The following KCNJ18 variants were observed in gnomAD, a reference collection of about 807,000 sequenced individuals.
KCNJ18 encodes inward rectifier potassium channel 18.
A neutral mutation model predicts 17.3 loss-of-function variants in KCNJ18; 16 were observed. The ratio of observed to expected loss-of-function variants is 0.92; its 90% CI spans 0.62 to 1.40. KCNJ18 has a LOEUF of 1.40. KCNJ18 is among the 40% of genes most tolerant of loss of function. The pLI, the probability that KCNJ18 is intolerant of heterozygous loss-of-function variation, is 0.00. For missense variants in KCNJ18, 462 were observed against 626.8 expected, an observed-to-expected ratio of 0.74 and a Z score of 2.81; for synonymous variants, 185 against 262.6, an observed-to-expected ratio of 0.70 and a Z score of 2.86.
At chr17:21,694,881 A>G (rs1286082280) in intron 1 of KCNJ18, among the ~76,000 whole-genome samples, 6 of 148,606 alleles carry the variant, frequency 4.0e-5, no homozygotes, top group Non-Finnish European at 7.4e-5. Flanking sequence ...TCAACCATAT[A>G]CCCACCCATC....
chr17:21,702,983 G>A lies in KCNJ18; in HGVS notation c.197G>A (p.Arg66His), dbSNP rs1334002543. 1.7e-5 allele frequency: 28 copies of A among 1,604,996 alleles called. No individual in the cohort carries two copies. Among genetic ancestry groups the A allele is most frequent in the Middle Eastern group, 1.6e-4 (1 of 6,076 alleles). The change falls in exon 3 of 3, where the codon CGC (arginine) becomes CAC (histidine). Residue 66 changes from arginine to histidine, a missense_variant. Physicochemically the swap from Arg to His is conservative, Grantham distance 29. Around this residue, in one of 5 missense-constraint regions of KCNJ18, gnomAD observed 237 missense variants for 259.4 expected, o/e 0.91. Transcript: ENST00000567955. ...GCCAACATGGACGAGAAGTCACAGC[G>A]CTACCTGGCTGACATGTTCACCACC... Reference protein sequence around the residue: ...AFANMDEKSQRYLADMFTTCV... With the variant: ...AFANMDEKSQHYLADMFTTCV...
chr17:21,693,300 A>G (rs1213156363), intron 1 of KCNJ18, among the ~76,000 whole-genome samples: 4 of 152,258 alleles, frequency 2.6e-5, no homozygotes, highest in Admixed American at 1.3e-4. Context: ...CCCTGTGTAG[A>G]GTAGAGCTAA....
Position 21,702,804 on chromosome 17 carries a change from G to T in KCNJ18, c.18G>T (p.Arg6=). 3 of 1,593,102 alleles carry T rather than the reference G, an allele frequency of 1.9e-6. No homozygotes were observed. Among genetic ancestry groups the T allele is most frequent in the Non-Finnish European group, 1.7e-6 (2 of 1,176,742 alleles). MTAAS[R]ANPYSIVSLE... ...CCCCCGGGATGACCGCGGCCAGCCG[G>T]GCCAACCCCTACAGCATCGTGTCAT... Residue 6 remains arginine, a synonymous_variant, in exon 3 of 3, where the codon CGG becomes CGT. Transcript: ENST00000567955.
intron 1 of KCNJ18, among the ~76,000 whole-genome samples, chr17:21,694,866 C>G (rs1905708331): frequency 6.6e-6 from 1 of 151,958 alleles, no homozygotes; most frequent in African/African-American, 2.4e-5. Context: ...TGTTCATCCA[C>G]CCACTCAACC....
rs1458993872 is a variant in KCNJ18 at position 21,704,347 on chromosome 17, G to T, written c.*259G>T. The T allele has an allele frequency of 4.2e-6, 2 of 472,216 alleles. No individual in the cohort carries two copies. The highest frequency in any genetic ancestry group is 7.5e-6 in the Non-Finnish European group (2 of 267,438). 29.3% of individuals were successfully genotyped at this position (472,216 alleles called of 1,614,324 possible). On this transcript the variant is annotated 3_prime_UTR_variant, in exon 3 of 3. Transcript: ENST00000567955. ...CCTCCTGGGGGGCCAGGCCACGGGG[G>T]CCAGGGCTTCTGCCTGAAGATGGAG...
chr17:21,703,823 A>G lies in KCNJ18; in HGVS notation c.1037A>G (p.His346Arg), dbSNP rs1350715383. 35 of 1,610,288 alleles carry G rather than the reference A, an allele frequency of 2.2e-5. No homozygotes were observed. In the East Asian group the frequency reaches 5.1e-4, roughly 24 times the overall value. Residue 346 changes from histidine (H) to arginine (R), a missense_variant, in exon 3 of 3, where the codon CAC (histidine) becomes CGC (arginine). Physicochemically the swap from His to Arg is conservative, Grantham distance 29. This residue lies in a region of KCNJ18 where 20 missense variants were observed against 61.7 expected (regional missense o/e 0.32). Coordinates refer to ENST00000567955, the MANE Select transcript of KCNJ18 (RefSeq NM_001194958.2). ...TACAAGATTGACTACTCGCACTTCC[A>G]CAAGACCTATGAGGTGCCCTCTACG... is the stretch of plus-strand genomic sequence containing the variant. ...NQYKIDYSHF[H>R]KTYEVPSTPR...
chr17:21,693,035 C>T (rs1394764379), intron 1 of KCNJ18, among the ~76,000 whole-genome samples: 1 of 152,312 alleles, frequency 6.6e-6, no homozygotes, highest in African/African-American at 2.4e-5. Flanking sequence ...TGTGGGCCAG[C>T]CCGGCCTGTT....
chr17:21,698,532 G>T (rs1428547290), intron 2 of KCNJ18, among the ~76,000 whole-genome samples: 2 of 152,016 alleles, frequency 1.3e-5, no homozygotes, highest in Admixed American at 1.3e-4. Flanking sequence ...GCAGGCGCCT[G>T]CACTCTCCCT....
rs1906003859 is a variant in KCNJ18, at chr17:21,702,741, G to A, written c.-46G>A. On this transcript the variant is annotated 5_prime_UTR_variant, in exon 3 of 3. Coordinates refer to ENST00000567955, the MANE Select transcript of KCNJ18 (RefSeq NM_001194958.2). ...TCCTCTCTGTTCCAGGAGCCGCCCT[G>A]CCTGGAGCTAGCCTGGGGGTGAGCC... is the stretch of plus-strand genomic sequence containing the variant. 9 of 1,540,138 alleles carry A rather than the reference G, an allele frequency of 5.8e-6. No homozygotes were observed. In the South Asian group the frequency reaches 1.1e-4, roughly 18 times the overall value.
In KCNJ18 at chr17:21,704,219, T is replaced by C. The variant is rs1245141038; in HGVS notation, c.*131T>C. On this transcript the variant is annotated 3_prime_UTR_variant, in exon 3 of 3. Coordinates refer to ENST00000567955, the MANE Select transcript of KCNJ18 (RefSeq NM_001194958.2). ...AGACTCAGTAGCGTTTTAGTCGTTT[T>C]ATGTTTCTTTGCAAAGGCCTCAGAA... 1.0e-5 allele frequency: 12 copies of C among 1,145,834 alleles called. No individual in the cohort carries two copies. The highest frequency in any genetic ancestry group is 5.4e-5 in the South Asian group (3 of 55,746). 71.0% of individuals were successfully genotyped at this position (1,145,834 alleles called of 1,614,324 possible).
chr17:21,699,228 C>A (rs1905859026), intron 2 of KCNJ18, among the ~76,000 whole-genome samples: 1 of 152,184 alleles, frequency 6.6e-6, no homozygotes, highest in Admixed American at 6.5e-5. Context: ...CCCCATTGAG[C>A]AAGAGCCAAA....
chr17:21,695,403 C>G, intron 1 of KCNJ18, among the ~76,000 whole-genome samples: 1 of 151,958 alleles, frequency 6.6e-6, no homozygotes, highest in Admixed American at 6.6e-5. Context: ...TCCACCTACC[C>G]ATTCATCCCT....
chr17:21,702,965 T>G lies in KCNJ18; in HGVS notation c.179T>G (p.Met60Arg). 6.3e-7 allele frequency: 1 copy of G among 1,594,860 alleles called. No homozygotes were observed. Among genetic ancestry groups the G allele is most frequent in the African/African-American group, 1.3e-5 (1 of 74,686 alleles). Residue 60 changes from methionine to arginine, a missense_variant, in exon 3 of 3, where the codon ATG becomes AGG. Transcript: ENST00000567955. ...NGQCNIAFAN[M>R]DEKSQRYLAD... ...CAGTGCAACATTGCGTTCGCCAACA[T>G]GGACGAGAAGTCACAGCGCTACCTG...
chr17:21,693,233 G>T (rs1221903758), intron 1 of KCNJ18, among the ~76,000 whole-genome samples: 1 of 152,300 alleles, frequency 6.6e-6, no homozygotes, highest in Non-Finnish European at 1.5e-5. Flanking sequence ...TGTTTGCAGG[G>T]TGCTGCCCTG....
intron 2 of KCNJ18, among the ~76,000 whole-genome samples, chr17:21,699,042 A>G (rs1332424136): frequency 6.6e-6 from 1 of 152,146 alleles, no homozygotes; most frequent in African/African-American, 2.4e-5. Flanking sequence ...TAACTTTAGT[A>G]GTGAGCACCT....
rs1368101655 is a variant in KCNJ18, at chr17:21,703,680, C to T, written c.894C>T (p.Ile298=). 7 of 1,588,622 alleles carry T rather than the reference C, an allele frequency of 4.4e-6. No homozygotes were observed. The highest frequency in any genetic ancestry group is 2.7e-5 in the African/African-American group (2 of 74,052). The change falls in exon 3 of 3, where the codon ATC becomes ATT. Residue 298 remains isoleucine, a synonymous_variant. Coordinates refer to ENST00000567955, the MANE Select transcript of KCNJ18 (RefSeq NM_001194958.2). ...LETDDFEIVV[I]LEGMVEATAM... The stretch of plus-strand genomic sequence containing the variant: ...CGGACGACTTTGAGATCGTGGTCAT[C>T]CTGGAAGGCATGGTGGAGGCCACAG...
chr17:21,701,441 G>C (rs1380223924), intron 2 of KCNJ18, among the ~76,000 whole-genome samples: 1 of 149,364 alleles, frequency 6.7e-6, no homozygotes, highest in Non-Finnish European at 1.5e-5. Context: ...CCTCGGCTGA[G>C]GTCAGCCAGG....
intron 1 of KCNJ18, among the ~76,000 whole-genome samples, chr17:21,695,091 CCAT>C (rs1452787395): frequency 0.011 from 1,658 of 151,708 alleles, no homozygotes; most frequent in African/African-American, 0.039. Context: ...ATTCATCTAC[CCAT>C]CCGCTCAGTC....
At chr17:21,695,364 A>T (rs1187238939) in intron 1 of KCNJ18, among the ~76,000 whole-genome samples, 2 of 152,034 alleles carry the variant, frequency 1.3e-5, no homozygotes, top group African/African-American at 2.4e-5. Flanking sequence ...GTATTCATTC[A>T]TCCATATACC....
Sources: gnomAD v4.1 joint callset for allele counts (sites outside exome capture counted in the v4.1 genomes callset) on GRCh38, gnomAD v4.1.1 for gene constraint, gnomAD v4.1.1 regional missense constraint, MANE v1.5 for transcripts, NCBI Gene and HGNC (gene_info 2026-07-23, HGNC 2026-07-21) for gene names.